The following SFTPC variants were observed in gnomAD, a reference collection of about 807,000 sequenced individuals.
The protein encoded by SFTPC is surfactant protein C.
In SFTPC, 12 loss-of-function variants were observed where a neutral mutation model predicts 19.9. That is an observed-to-expected ratio of 0.60 (90% CI 0.39 to 0.98). SFTPC has a LOEUF of 0.98. Ranked by LOEUF, SFTPC falls within the 50% of genes least tolerant of loss-of-function variation. SFTPC has a pLI of 0.00. For synonymous variants in SFTPC, 123 were observed against 103.3 expected, an observed-to-expected ratio of 1.19 and a Z score of -1.16; for missense variants, 219 against 252.2, an observed-to-expected ratio of 0.87 and a Z score of 0.89.
chr8:22,160,765 C>A (rs1827684144), upstream of SFTPC, among the ~76,000 whole-genome samples: 1 of 152,180 alleles, frequency 6.6e-6, no homozygotes, highest in Admixed American at 6.5e-5. Context: ...AAAGGGTGAG[C>A]CAGCCCAAAG....
chr8:22,161,354 G>A (rs1174939626), upstream of SFTPC, among the ~76,000 whole-genome samples: 2 of 152,164 alleles, frequency 1.3e-5, no homozygotes, highest in African/African-American at 4.8e-5. Flanking sequence ...GAGTCTACAG[G>A]TGCTGCCTCC....
intron 2 of SFTPC, 72 bp from the exon 3 acceptor site, chr8:22,163,008 T>C: frequency 6.2e-7 from 1 of 1,600,374 alleles, no homozygotes; most frequent in Admixed American, 1.7e-5. Flanking sequence ...TACAGAGGCC[T>C]GAGTATGGGG....
chr8:22,161,140 C>T (rs1288253472), upstream of SFTPC, among the ~76,000 whole-genome samples: 1 of 152,190 alleles, frequency 6.6e-6, no homozygotes, highest in African/African-American at 2.4e-5. Context: ...TGAGTAAGAG[C>T]TTGCCACCAG....
chr8:22,163,190 T>C lies in SFTPC; in HGVS notation c.312T>C (p.Tyr104=). 6.2e-7 allele frequency: 1 copy of C among 1,614,166 alleles called. No homozygotes were observed. The highest frequency in any genetic ancestry group is 1.1e-5 in the South Asian group (1 of 91,086). The change falls in exon 3 of 6, where the codon TAT becomes TAC. Residue 104 remains tyrosine (Y), a synonymous_variant. Transcript: ENST00000679463. The part of the protein sequence containing the change: ...FSIGSTGLVV[Y]DYQQLLIAYK... ...TCGGCTCCACTGGCCTCGTGGTGTA[T>C]GACTACCAGCAGGTGGGTATGCCCA...
upstream of SFTPC, among the ~76,000 whole-genome samples, chr8:22,160,785 G>A (rs1827684894): frequency 6.6e-6 from 1 of 152,234 alleles, no homozygotes; most frequent in Non-Finnish European, 1.5e-5. Context: ...GTCATTGGCA[G>A]ATTTGACCTC....
chr8:22,161,879 G>T lies in SFTPC; in HGVS notation c.42+9G>T, dbSNP rs767594462. 6.2e-7 allele frequency: 1 copy of T among 1,613,836 alleles called. No homozygotes were observed. The highest frequency in any genetic ancestry group is 8.5e-7 in the Non-Finnish European group (1 of 1,179,898). ...TGATGGAGAGCCCGCCGGTGAGTGTGGTTGCGTGTGTGTATGTATGTGTGC... is the reference window on the plus strand; with the variant it reads ...TGATGGAGAGCCCGCCGGTGAGTGTTGTTGCGTGTGTGTATGTATGTGTGC... On this transcript the variant is annotated intron_variant, in intron 1 of 5. Coordinates refer to ENST00000679463, the MANE Select transcript of SFTPC (RefSeq NM_001317778.2).
At chr8:22,158,086 A>C (rs1288225075), upstream of SFTPC, among the ~76,000 whole-genome samples, 4 of 152,184 alleles carry the variant, frequency 2.6e-5, no homozygotes, top group Non-Finnish European at 5.9e-5. Flanking sequence ...GCTCATAGGC[A>C]CGGGGCAAGG....
rs775696772 is a variant in SFTPC at position 22,163,945 on chromosome 8, G to A, written c.480G>A (p.Gly160=). The A allele has an allele frequency of 5.0e-6, 8 of 1,613,610 alleles. No homozygotes were observed. In the South Asian group the frequency reaches 7.7e-5, roughly 16 times the overall value. The change falls in exon 5 of 6, where the codon GGG becomes GGA. Residue 160 remains glycine (G), a synonymous_variant. Coordinates refer to ENST00000679463, the MANE Select transcript of SFTPC (RefSeq NM_001317778.2). ...VPTSKLGQAE[G]RDAGSAPSGG... Reference sequence around the variant, plus strand: ...CGTCTAAGCTGGGCCAGGCAGAGGGGCGAGATGCAGGCTCAGCACCCTCCG... The same window carrying A: ...CGTCTAAGCTGGGCCAGGCAGAGGGACGAGATGCAGGCTCAGCACCCTCCG...
chr8:22,163,780 C>G, intron 4 of SFTPC, 121 bp from the exon 5 acceptor site: 1 of 1,012,248 alleles, frequency 9.9e-7, no homozygotes, highest in East Asian at 2.5e-5. Context: ...CACAGCCCCT[C>G]TTTACTGATG....
At chr8:22,162,980 G>C (rs1040275177) in intron 2 of SFTPC, 100 bp from the exon 3 acceptor site, 87 of 1,547,574 alleles carry the variant, frequency 5.6e-5, no homozygotes, top group Non-Finnish European at 6.8e-5. Flanking sequence ...TCTTGGGAAA[G>C]AGGGAAGCGC....
At chr8:22,164,113 C>T in intron 5 of SFTPC, 54 bp downstream of exon 5, 11 of 1,607,812 alleles carry the variant, frequency 6.8e-6, no homozygotes, top group South Asian at 1.1e-5. Flanking sequence ...GCCACCTGCC[C>T]GGGCTGTGGA....
chr8:22,163,415 T>C (rs1827851378), intron 3 of SFTPC, 21 bp from the exon 4 acceptor site: 1 of 1,600,554 alleles, frequency 6.2e-7, no homozygotes, highest in Admixed American at 1.7e-5. Context: ...CCCCGAATGA[T>C]CTCCAGCATT....
rs759538016 is a variant in SFTPC at position 22,163,411 on chromosome 8, A to G, written c.325-25A>G. ...GAGAGAGCAGGGCAGGGACCCCCGA[A>G]TGATCTCCAGCATTCTGTGCCTAGC... On this transcript the variant is annotated intron_variant, in intron 3 of 5. Transcript: ENST00000679463. 1.1e-5 allele frequency: 17 copies of G among 1,598,912 alleles called. No homozygotes were observed. The South Asian group carries it at 1.8e-4, about 17-fold the overall frequency.
chr8:22,159,041 T>C (rs970428059), upstream of SFTPC: 2 of 152,052 alleles, frequency 1.3e-5, no homozygotes, highest in Non-Finnish European at 2.9e-5. Flanking sequence ...AGGCTGAGGA[T>C]TTCAGAGGGC....
chr8:22,163,886 G>A lies in SFTPC; in HGVS notation c.436-15G>A, dbSNP rs374909143. The A allele has an allele frequency of 6.2e-6, 10 of 1,609,542 alleles. No homozygotes were observed. The highest frequency in any genetic ancestry group is 8.5e-6 in the Non-Finnish European group (10 of 1,176,036). On this transcript the variant is annotated splice_polypyrimidine_tract_variant and intron_variant, in intron 4 of 5. Coordinates refer to ENST00000679463, the MANE Select transcript of SFTPC (RefSeq NM_001317778.2). Reference sequence around the variant, plus strand: ...AAACTCACTTCCTACATTCCAGATGGAATGCTCTCTGCAGGCCAAGCCCGC... The same window carrying A: ...AAACTCACTTCCTACATTCCAGATGAAATGCTCTCTGCAGGCCAAGCCCGC...
intron 2 of SFTPC, 75 bp from the exon 3 acceptor site, chr8:22,163,005 G>A: frequency 6.3e-7 from 1 of 1,596,310 alleles, no homozygotes; most frequent in Non-Finnish European, 8.6e-7. Flanking sequence ...GAGTACAGAG[G>A]CCTGAGTATG....
intron 1 of SFTPC, 62 bp from the exon 2 acceptor site, chr8:22,162,512 G>C: frequency 6.3e-7 from 1 of 1,584,304 alleles, no homozygotes. Flanking sequence ...AGCTTGTATA[G>C]GGAGAAGAGG....
In SFTPC at chr8:22,162,646, G is replaced by T. The variant is rs183533911; in HGVS notation, c.115G>T (p.Val39Leu). 3.1e-4 allele frequency: 494 copies of T among 1,608,710 alleles called. 1 individual carries two copies. The East Asian group carries it at 8.4e-3, about 27-fold the overall frequency. Residue 39 changes from valine to leucine, a missense_variant, in exon 2 of 6, where the codon GTG (valine) becomes TTG (leucine). Physicochemically the swap from Val to Leu is conservative, Grantham distance 32. Transcript: ENST00000679463. ...AGTGCACCTGAAACGCCTTCTTATC[G>T]TGGTGGTGGTGGTGGTCCTCATCGT... ...CPVHLKRLLI[V>L]VVVVVLIVVV...
chr8:22,163,163 C>T lies in SFTPC; in HGVS notation c.285C>T (p.Ser95=). Residue 95 remains serine (S), a synonymous_variant, in exon 3 of 6, where the codon TCC becomes TCT. Coordinates refer to ENST00000679463, the MANE Select transcript of SFTPC (RefSeq NM_001317778.2). ...ACCTGGTTACCACTGCCACCTTCTC[C>T]ATCGGCTCCACTGGCCTCGTGGTGT... ...SEHLVTTATF[S]IGSTGLVVYD... The T allele has an allele frequency of 6.2e-7, 1 of 1,614,214 alleles. No homozygotes were observed. Among genetic ancestry groups the T allele is most frequent in the Non-Finnish European group, 8.5e-7 (1 of 1,180,030 alleles).
Sources: gnomAD v4.1 joint callset for allele counts (sites outside exome capture counted in the v4.1 genomes callset) on GRCh38, gnomAD v4.1.1 for gene constraint, MANE v1.5 for transcripts, NCBI Gene and HGNC (gene_info 2026-07-23, HGNC 2026-07-21) for gene names.